Variants in SND1 observed in about 807,000 individuals in gnomAD.
SND1 encodes staphylococcal nuclease and tudor domain containing 1.
Under a neutral mutation model 121.7 loss-of-function variants are expected in SND1, and 38 were observed. That is an observed-to-expected ratio of 0.31 (90% CI 0.24 to 0.41). SND1 has a LOEUF of 0.41. Among genes scored for constraint, SND1 ranks in the 10% least tolerant of loss-of-function variants. The pLI is 1.00. For synonymous variants in SND1, 401 were observed against 447.4 expected (o/e 0.90, Z 1.31); for missense variants, 868 against 1,184.6 (o/e 0.73, Z 3.92).
At chr7:127,919,438 C>T (rs1800653318) in intron 14 of SND1, among the ~76,000 whole-genome samples, 1 of 152,128 alleles carries the variant, frequency 6.6e-6, no homozygotes, top group Admixed American at 6.5e-5. Context: ...TCTCTGAAGG[C>T]ATTTTCTGGT....
chr7:127,686,856 G>T, intron 2 of SND1, 94 bp downstream of exon 2: 2 of 1,343,066 alleles, frequency 1.5e-6, no homozygotes, highest in Non-Finnish European at 2.1e-6. Flanking sequence ...CTCTTTCTTT[G>T]TATTTTGAGT....
At chr7:127,690,789 A>G (rs538068058) in intron 2 of SND1, among the ~76,000 whole-genome samples, 3 of 152,306 alleles carry the variant, frequency 2.0e-5, no homozygotes, top group African/African-American at 7.2e-5. Flanking sequence ...ATTTCTTTGG[A>G]GCATGTTTAG....
At chr7:127,997,058 T>G (rs1481033750) in intron 16 of SND1, among the ~76,000 whole-genome samples, 1 of 152,230 alleles carries the variant, frequency 6.6e-6, no homozygotes, top group Non-Finnish European at 1.5e-5. Flanking sequence ...TCATGCATAA[T>G]GTTTCATTTT....
At chr7:128,065,759 G>C (rs900031571) in intron 16 of SND1, among the ~76,000 whole-genome samples, 3 of 152,180 alleles carry the variant, frequency 2.0e-5, no homozygotes, top group Non-Finnish European at 4.4e-5. Context: ...AAGAACGGAC[G>C]CACCGAATGG....
At chr7:128,036,283 T>C (rs751219985) in intron 16 of SND1, among the ~76,000 whole-genome samples, 2 of 152,196 alleles carry the variant, frequency 1.3e-5, no homozygotes, top group Non-Finnish European at 2.9e-5. Context: ...ATTTTCTGTT[T>C]AATAAGTAAA....
chr7:128,028,671 GA>G (rs923323525), intron 16 of SND1: 1 of 1,599,778 alleles, frequency 6.3e-7, no homozygotes, highest in Non-Finnish European at 8.5e-7. Context: ...TTTTTTGGGG[GA>G]GGGGAGTCAT....
chr7:128,050,337 A>C (rs139640076), intron 16 of SND1, among the ~76,000 whole-genome samples: 2 of 152,294 alleles, frequency 1.3e-5, no homozygotes, highest in Admixed American at 1.3e-4. Context: ...CTACAGAAAA[A>C]AGTACAGTAG....
At chr7:127,696,556 A>G (rs1796009957) in intron 3 of SND1, among the ~76,000 whole-genome samples, 1 of 152,218 alleles carries the variant, frequency 6.6e-6, no homozygotes, top group South Asian at 2.1e-4. Flanking sequence ...TTCATTACCT[A>G]AAAAATTTCA....
intron 15 of SND1, among the ~76,000 whole-genome samples, chr7:127,987,465 C>T (rs367677677): frequency 3.3e-5 from 5 of 152,178 alleles, no homozygotes; most frequent in African/African-American, 9.7e-5. Context: ...ATCTGGCTTT[C>T]AGCAGCAACG....
intron 16 of SND1, among the ~76,000 whole-genome samples, chr7:128,036,534 A>G (rs1173403711): frequency 6.6e-6 from 1 of 152,252 alleles, no homozygotes; most frequent in Non-Finnish European, 1.5e-5. Flanking sequence ...TAAAGGATAA[A>G]AAAGCATTCT....
At chr7:127,904,712 T>G in intron 13 of SND1, 35 bp from the exon 14 acceptor site, 6 of 1,465,600 alleles carry the variant, frequency 4.1e-6, no homozygotes, top group Non-Finnish European at 5.7e-6. Flanking sequence ...ATTGTGATTC[T>G]TGTTTTAATC....
intron 15 of SND1, among the ~76,000 whole-genome samples, chr7:127,956,776 A>G (rs184008996): frequency 6.6e-6 from 1 of 152,306 alleles, no homozygotes; most frequent in Non-Finnish European, 1.5e-5. Context: ...ATGTGTGCAT[A>G]ATTTTTTGCT....
intron 16 of SND1, among the ~76,000 whole-genome samples, chr7:128,051,245 G>A (rs560987235): frequency 6.6e-6 from 1 of 152,344 alleles, no homozygotes. Flanking sequence ...GAAGACAAAG[G>A]CAGAGGCCCA....
In SND1 at chr7:128,029,228, T is replaced by A; in HGVS notation, c.1779+38172T>A. ...ACGTGGTAGGAACAGGCTTGTACTT[T>A]CGCGTTGTGTCCTCAGGCGAGATCT... On this transcript the variant is annotated intron_variant, in intron 16 of 23. Transcript: ENST00000354725. The surrounding 1 kb of genome is among the most constrained non-coding windows in gnomAD (Gnocchi z 4.2). 1 of 1,614,106 alleles carries A rather than the reference T, an allele frequency of 6.2e-7. No individual in the cohort carries two copies. Among genetic ancestry groups the A allele is most frequent in the Non-Finnish European group, 8.5e-7 (1 of 1,180,030 alleles).
chr7:127,707,264 G>C (rs1273412153), intron 8 of SND1, among the ~76,000 whole-genome samples: 1 of 152,152 alleles, frequency 6.6e-6, no homozygotes, highest in Admixed American at 6.6e-5. Flanking sequence ...TTTTGTAGTA[G>C]TCACCCAGGA....
chr7:128,084,872 A>G (rs748041985), intron 19 of SND1, 25 bp downstream of exon 19: 2 of 1,581,572 alleles, frequency 1.3e-6, no homozygotes. Context: ...AAAGCAAGGC[A>G]GAGTCTTGAG....
chr7:127,793,859 G>T (rs1388129288), intron 10 of SND1, among the ~76,000 whole-genome samples: 2 of 152,034 alleles, frequency 1.3e-5, no homozygotes, highest in African/African-American at 4.8e-5. Context: ...CTGTTTACTA[G>T]GTGCAACCAA....
rs1398161217 is a variant in SND1 at position 127,701,264 on chromosome 7, A to G, written c.530A>G (p.Lys177Arg). 2 of 1,614,104 alleles carry G rather than the reference A, an allele frequency of 1.2e-6. No individual in the cohort carries two copies. The highest frequency in any genetic ancestry group is 1.7e-6 in the Non-Finnish European group (2 of 1,179,974). The change falls in exon 5 of 24, where the codon AAG becomes AGG. Residue 177 changes from lysine (K) to arginine (R), a missense_variant. Lys to Arg is a conservative substitution (Grantham distance 26, BLOSUM62 2). Coordinates refer to ENST00000354725, the MANE Select transcript of SND1 (RefSeq NM_014390.4). ...GGTTCACATACTATCCGGGATCTCA[A>G]GTATACCATTGAAAACCCAAGGCAC... Reference protein sequence around the residue: ...GNGSHTIRDLKYTIENPRHFV... With the variant: ...GNGSHTIRDLRYTIENPRHFV...
At chr7:127,786,932 G>A (rs576020139) in intron 10 of SND1, among the ~76,000 whole-genome samples, 27 of 152,324 alleles carry the variant, frequency 1.8e-4, no homozygotes, top group South Asian at 1.7e-3. Flanking sequence ...GTGAGCCACC[G>A]CGCCCGGCCT....
Sources: gnomAD v4.1 joint callset for allele counts (sites outside exome capture counted in the v4.1 genomes callset) on GRCh38, gnomAD v4.1.1 for gene constraint, Gnocchi (gnomAD v3.1) non-coding constraint, MANE v1.5 for transcripts, NCBI Gene and HGNC (gene_info 2026-07-23, HGNC 2026-07-21) for gene names.